RELN: variants seen among roughly 807,000 people sequenced by gnomAD.
RELN encodes the protein reelin.
RELN carries 108 observed loss-of-function variants against 427.6 expected under a neutral mutation model. The ratio of observed to expected loss-of-function variants is 0.25; its 90% CI spans 0.22 to 0.30. The LOEUF is 0.30. RELN is among the 10% of genes least tolerant of loss of function. The pLI is 1.00. For synonymous variants in RELN, 1,524 were observed against 1,513.4 expected (o/e 1.01, Z -0.16); for missense variants, 3,715 against 4,302.8 (o/e 0.86, Z 3.82).
intron 2 of RELN, among the ~76,000 whole-genome samples, chr7:103,834,933 G>A (rs1793363396): frequency 6.6e-6 from 1 of 152,156 alleles, no homozygotes; most frequent in South Asian, 2.1e-4. Flanking sequence ...ATATGATGTA[G>A]CAGTTGTACT....
chr7:103,518,000 T>A (rs140692972), intron 49 of RELN, among the ~76,000 whole-genome samples: 16 of 152,280 alleles, frequency 1.1e-4, no homozygotes, highest in African/African-American at 3.8e-4. Context: ...CTCCTTCCTA[T>A]GGACTGTAAA....
chr7:103,868,088 T>C (rs187634188), intron 2 of RELN, among the ~76,000 whole-genome samples: 3 of 152,076 alleles, frequency 2.0e-5, no homozygotes, highest in Non-Finnish European at 2.9e-5. Context: ...CCATGCATAA[T>C]TGGATGGCAC....
intron 20 of RELN, among the ~76,000 whole-genome samples, chr7:103,619,436 T>C (rs776847056): frequency 6.6e-6 from 1 of 152,216 alleles, no homozygotes; most frequent in Non-Finnish European, 1.5e-5. Context: ...GCCCGGCCAC[T>C]TGCCTGTGTC....
intron 1 of RELN, among the ~76,000 whole-genome samples, chr7:103,939,984 G>A (rs140901880): frequency 1.1e-4 from 17 of 152,178 alleles, no homozygotes; most frequent in Non-Finnish European, 2.1e-4. Context: ...TGTTTAGTTC[G>A]TGAAAACTCA....
intron 11 of RELN, among the ~76,000 whole-genome samples, chr7:103,667,155 G>T (rs1229099639): frequency 1.3e-5 from 2 of 152,194 alleles, no homozygotes; most frequent in African/African-American, 4.8e-5. Context: ...AAAAGGAATT[G>T]CATGAGCTCA....
intron 2 of RELN, among the ~76,000 whole-genome samples, chr7:103,901,432 T>C (rs998503147): frequency 8.6e-5 from 13 of 151,984 alleles, no homozygotes; most frequent in African/African-American, 3.1e-4. Flanking sequence ...AAACAGATGT[T>C]CACACAAAAA....
chr7:103,690,357 G>C (rs1352876216), intron 10 of RELN, among the ~76,000 whole-genome samples: 1 of 152,000 alleles, frequency 6.6e-6, no homozygotes, highest in Non-Finnish European at 1.5e-5. Flanking sequence ...TGGTGCACTA[G>C]ATGTTCCTTG....
intron 11 of RELN, among the ~76,000 whole-genome samples, chr7:103,677,398 C>A (rs1833556280): frequency 1.4e-5 from 2 of 139,400 alleles, no homozygotes; most frequent in African/African-American, 2.7e-5. Context: ...TAACCCAGAA[C>A]TTAAAGTATA....
At chr7:103,981,914 C>T (rs867273517) in intron 1 of RELN, among the ~76,000 whole-genome samples, 73 of 152,250 alleles carry the variant, frequency 4.8e-4, no homozygotes, top group Middle Eastern at 6.8e-3. Context: ...TGCCTGTTAT[C>T]CTAGCATTTT....
At chr7:103,920,625 G>A (rs548261763) in intron 1 of RELN, among the ~76,000 whole-genome samples, 1 of 145,108 alleles carries the variant, frequency 6.9e-6, no homozygotes, top group Non-Finnish European at 1.5e-5. Flanking sequence ...CCAGGCTGGA[G>A]TGCAGTGGCA....
chr7:103,489,688 A>G (rs1828582370), intron 60 of RELN, 54 bp downstream of exon 60: 8 of 1,590,838 alleles, frequency 5.0e-6, no homozygotes, highest in Non-Finnish European at 5.2e-6. Flanking sequence ...ATATGTTAAG[A>G]TGAGGAGAAC....
chr7:103,520,240 TG>T (rs929249371), intron 48 of RELN, among the ~76,000 whole-genome samples: 5 of 152,160 alleles, frequency 3.3e-5, no homozygotes, highest in Admixed American at 3.3e-4. Context: ...TTTTTAAAAA[TG>T]AATCAACCAC....
chr7:103,786,420 C>T (rs954243973), intron 3 of RELN, among the ~76,000 whole-genome samples: 2 of 149,890 alleles, frequency 1.3e-5, no homozygotes, highest in African/African-American at 4.9e-5. Context: ...AAGGCCAACC[C>T]ATCAATGTGC....
At chr7:103,981,438 A>T (rs1796988778) in intron 1 of RELN, among the ~76,000 whole-genome samples, 1 of 152,204 alleles carries the variant, frequency 6.6e-6, no homozygotes, top group South Asian at 2.1e-4. Flanking sequence ...TATTGTCAAA[A>T]ATTTCCTAGG....
chr7:103,979,942 A>C (rs1431542608), intron 1 of RELN, among the ~76,000 whole-genome samples: 1 of 152,120 alleles, frequency 6.6e-6, no homozygotes, highest in Non-Finnish European at 1.5e-5. Context: ...TGGGCTGATC[A>C]CCTGAGGTCG....
chr7:103,873,084 A>G (rs1322222182), intron 2 of RELN, among the ~76,000 whole-genome samples: 1 of 151,890 alleles, frequency 6.6e-6, no homozygotes, highest in Non-Finnish European at 1.5e-5. Context: ...TGGAAACTGA[A>G]CAACCTGCTC....
rs990357018 is a variant in RELN, at chr7:103,917,298, A to T, written c.227-113T>A. ...CTTTACTCATTAACAAATTATTTTT[A>T]TACTATACCTAGTTGGTATTTTTTG... On this transcript the variant is annotated intron_variant, in intron 1 of 64. Coordinates refer to ENST00000428762, the MANE Select transcript of RELN (RefSeq NM_005045.4). 57 of 818,624 alleles carry T rather than the reference A, an allele frequency of 7.0e-5. No homozygotes were observed. The African/African-American group carries it at 7.9e-4, about 11-fold the overall frequency. The allele number at this position is 818,624 out of a possible 1,614,324, so 50.7% of individuals were successfully genotyped here.
intron 3 of RELN, among the ~76,000 whole-genome samples, chr7:103,791,843 T>C (rs1246517748): frequency 2.6e-5 from 4 of 151,880 alleles, no homozygotes; most frequent in East Asian, 1.9e-4. Context: ...GATAAAGAAA[T>C]AGTATCCAGT....
intron 2 of RELN, among the ~76,000 whole-genome samples, chr7:103,882,114 G>A (rs1445975552): frequency 6.6e-6 from 1 of 151,996 alleles, no homozygotes; most frequent in Non-Finnish European, 1.5e-5. Flanking sequence ...CAAAGCACAG[G>A]GAAGCCAACA....
Sources: allele counts gnomAD v4.1 joint callset (sites outside exome capture counted in the v4.1 genomes callset), GRCh38; gene constraint gnomAD v4.1.1; transcripts MANE v1.5; gene names NCBI Gene and HGNC (gene_info 2026-07-23, HGNC 2026-07-21).